Variants in GPC6 observed in about 807,000 individuals in gnomAD.
GPC6 encodes the protein glypican-6.
Under a neutral mutation model 55.2 loss-of-function variants are expected in GPC6, and 14 were observed. The ratio of observed to expected loss-of-function variants is 0.25; its 90% CI spans 0.17 to 0.40. The LOEUF (loss-of-function observed/expected upper bound fraction) is 0.40. Ranked by LOEUF, GPC6 falls within the 10% of genes least tolerant of loss-of-function variation. GPC6 has a pLI of 1.00. For missense variants in GPC6, 641 were observed against 708.5 expected, an observed-to-expected ratio of 0.90 and a Z score of 1.08; for synonymous variants, 278 against 259.6, an observed-to-expected ratio of 1.07 and a Z score of -0.68.
chr13:93,275,702 A>G (rs940046969), intron 1 of GPC6, among the ~76,000 whole-genome samples: 23 of 152,060 alleles, frequency 1.5e-4, no homozygotes, highest in African/African-American at 5.1e-4. Context: ...ACTTCTTCTC[A>G]TAAGGATGTC....
At chr13:94,126,245 C>T (rs1278954669) in intron 4 of GPC6, among the ~76,000 whole-genome samples, 1 of 152,040 alleles carries the variant, frequency 6.6e-6, no homozygotes, top group East Asian at 1.9e-4. Flanking sequence ...TAGTTGGGTG[C>T]AGTGGCACTT....
chr13:93,838,752 G>A (rs1156426981), intron 3 of GPC6, among the ~76,000 whole-genome samples: 1 of 152,022 alleles, frequency 6.6e-6, no homozygotes, highest in Non-Finnish European at 1.5e-5. Flanking sequence ...GAGCAGATTG[G>A]GGAGCACATC....
intron 4 of GPC6, among the ~76,000 whole-genome samples, chr13:94,083,473 A>AT (rs1359331054): frequency 2.0e-5 from 3 of 152,046 alleles, no homozygotes; most frequent in East Asian, 1.9e-4. Flanking sequence ...TAATTTGTTT[A>AT]TTTTTTATTC....
chr13:93,689,938 A>G (rs1260579117), intron 2 of GPC6, among the ~76,000 whole-genome samples: 2 of 152,142 alleles, frequency 1.3e-5, no homozygotes, highest in Non-Finnish European at 2.9e-5. Context: ...TGAAACCAGT[A>G]TCTGTTAGAT....
intron 4 of GPC6, among the ~76,000 whole-genome samples, chr13:94,094,301 AG>A (rs1423864406): frequency 6.6e-6 from 1 of 152,158 alleles, no homozygotes; most frequent in Non-Finnish European, 1.5e-5. Context: ...ATAGTTTGAA[AG>A]CTTAATCAGG....
At chr13:93,379,370 G>T (rs1010536308) in intron 1 of GPC6, among the ~76,000 whole-genome samples, 1 of 152,320 alleles carries the variant, frequency 6.6e-6, no homozygotes, top group South Asian at 2.1e-4. Context: ...TGTCTAGAAT[G>T]TTGGACTGAT....
At chr13:93,852,895 G>A (rs1268483043) in intron 3 of GPC6, among the ~76,000 whole-genome samples, 1 of 151,534 alleles carries the variant, frequency 6.6e-6, no homozygotes, top group African/African-American at 2.4e-5. Context: ...GCTTATTAAA[G>A]TTTATTTTGT....
intron 1 of GPC6, among the ~76,000 whole-genome samples, chr13:93,368,514 T>C (rs563301094): frequency 3.8e-4 from 58 of 152,108 alleles, no homozygotes; most frequent in Non-Finnish European, 6.6e-4. Flanking sequence ...TCCTTTCTCA[T>C]GTCCTCAAAG....
At chr13:93,356,653 C>T (rs976923415) in intron 1 of GPC6, among the ~76,000 whole-genome samples, 3 of 152,198 alleles carry the variant, frequency 2.0e-5, no homozygotes, top group Admixed American at 2.0e-4. Context: ...TTGTTAGCTC[C>T]AGGCAAACAC....
chr13:93,978,973 C>T (rs9584174), intron 3 of GPC6, among the ~76,000 whole-genome samples: 2,472 of 152,156 alleles, frequency 0.016, 80 homozygotes, highest in African/African-American at 0.057. Flanking sequence ...GATGGACAAA[C>T]TTCCTTTGTG....
chr13:94,374,650 AACG>A (rs1879749738), intron 6 of GPC6, among the ~76,000 whole-genome samples: 1 of 151,642 alleles, frequency 6.6e-6, no homozygotes, highest in Non-Finnish European at 1.5e-5. Flanking sequence ...TAGACAGTTC[AACG>A]AGACAGAAAG....
At chr13:93,690,324 G>A (rs1428235432) in intron 2 of GPC6, among the ~76,000 whole-genome samples, 1 of 151,936 alleles carries the variant, frequency 6.6e-6, no homozygotes, top group Non-Finnish European at 1.5e-5. Flanking sequence ...GGACAAGGTG[G>A]GGTCCAAAGG....
chr13:94,111,647 A>G (rs746638739), intron 4 of GPC6, among the ~76,000 whole-genome samples: 3 of 151,964 alleles, frequency 2.0e-5, no homozygotes, highest in Non-Finnish European at 4.4e-5. Flanking sequence ...CTTCTTCCTT[A>G]TGTACTTTGT....
chr13:93,966,401 C>A (rs1880044996), intron 3 of GPC6, among the ~76,000 whole-genome samples: 1 of 152,186 alleles, frequency 6.6e-6, no homozygotes, highest in African/African-American at 2.4e-5. Flanking sequence ...GTAGACTTTT[C>A]TTTTGCTTCA....
At chr13:93,245,795 G>C (rs1417733161) in intron 1 of GPC6, among the ~76,000 whole-genome samples, 1 of 152,134 alleles carries the variant, frequency 6.6e-6, no homozygotes, top group Admixed American at 6.5e-5. Flanking sequence ...AGATCTCCCC[G>C]CATACTTTAA....
intron 3 of GPC6, among the ~76,000 whole-genome samples, chr13:94,015,123 A>G (rs1053217427): frequency 6.6e-6 from 1 of 152,182 alleles, no homozygotes; most frequent in African/African-American, 2.4e-5. Flanking sequence ...CTGTTTTTCC[A>G]ATGTGGCTGT....
chr13:93,438,956 A>G (rs1281382088), intron 1 of GPC6, among the ~76,000 whole-genome samples: 2 of 152,184 alleles, frequency 1.3e-5, no homozygotes, highest in African/African-American at 4.8e-5. Context: ...CTGATCCATC[A>G]GCAGTCATCA....
At chr13:93,520,794 T>C (rs1258260652) in intron 1 of GPC6, among the ~76,000 whole-genome samples, 1 of 116,124 alleles carries the variant, frequency 8.6e-6, no homozygotes, top group South Asian at 3.0e-4. Flanking sequence ...AATAAACTTA[T>C]AGACAAACTA....
At chr13:93,561,570 C>T (rs937246373) in intron 2 of GPC6, among the ~76,000 whole-genome samples, 3 of 151,672 alleles carry the variant, frequency 2.0e-5, no homozygotes, top group African/African-American at 4.9e-5. Flanking sequence ...ATACAAGAGC[C>T]GAGCAGTTTT....
Sources: gnomAD v4.1 joint callset for allele counts (sites outside exome capture counted in the v4.1 genomes callset) on GRCh38, gnomAD v4.1.1 for gene constraint, MANE v1.5 for transcripts, NCBI Gene and HGNC (gene_info 2026-07-23, HGNC 2026-07-21) for gene names.